The following GNA12 variants were observed in gnomAD, a reference collection of about 807,000 sequenced individuals.
GNA12 encodes guanine nucleotide-binding protein subunit alpha-12.
Under a neutral mutation model 26.0 loss-of-function variants are expected in GNA12, and 9 were observed. The ratio of observed to expected loss-of-function variants is 0.35; its 90% CI spans 0.21 to 0.60. GNA12 has a LOEUF of 0.60. GNA12 is among the 20% of genes least tolerant of loss of function. GNA12 has a pLI of 0.78. For synonymous variants in GNA12, 264 were observed against 219.6 expected (o/e 1.20, Z -1.79); for missense variants, 405 against 525.8 (o/e 0.77, Z 2.25).
chr7:2,809,738 T>A (rs1362191441), intron 1 of GNA12, among the ~76,000 whole-genome samples: 1 of 152,188 alleles, frequency 6.6e-6, no homozygotes, highest in Non-Finnish European at 1.5e-5. Flanking sequence ...AAATTAAAAC[T>A]GCAAGTGACT....
At chr7:2,816,240 C>CTTTTCTTT (rs1793215585) in intron 1 of GNA12, among the ~76,000 whole-genome samples, 1 of 148,436 alleles carries the variant, frequency 6.7e-6, no homozygotes, top group African/African-American at 2.5e-5. Context: ...TCACCAAATC[C>CTTTTCTTT]TTTTTTTTTG....
chr7:2,841,340 T>G (rs968625048), intron 1 of GNA12, among the ~76,000 whole-genome samples: 18 of 152,196 alleles, frequency 1.2e-4, no homozygotes, highest in South Asian at 2.1e-4. Context: ...AAATACTTTC[T>G]CCATCTACTG....
chr7:2,759,702 CAGGAT>C (rs1162788580), intron 2 of GNA12, among the ~76,000 whole-genome samples: 3 of 152,096 alleles, frequency 2.0e-5, no homozygotes, highest in African/African-American at 7.2e-5. Flanking sequence ...TGTAGTCATA[CAGGAT>C]AGGAGAGAGA....
At chr7:2,760,437 G>A (rs1248606702) in intron 2 of GNA12, 1 of 152,460 alleles carries the variant, frequency 6.6e-6, no homozygotes. Context: ...GTCTTTCCCG[G>A]ACGCTGTGGT....
In GNA12 at chr7:2,731,167, C is replaced by T. The variant is rs200329579; in HGVS notation, c.*14G>A. Reference sequence around the variant, plus strand: ...GGGGCTGCTCAACGACGACAAACCCCGGGGCTTCCTCGCTCACTGCAGCAT... The same window carrying T: ...GGGGCTGCTCAACGACGACAAACCCTGGGGCTTCCTCGCTCACTGCAGCAT... On this transcript the variant is annotated 3_prime_UTR_variant, in exon 4 of 4. Coordinates refer to ENST00000275364, the MANE Select transcript of GNA12 (RefSeq NM_007353.3). The surrounding 1 kb of genome is among the most constrained non-coding windows in gnomAD (Gnocchi z 6.0). The T allele has an allele frequency of 3.3e-5, 52 of 1,583,262 alleles. No homozygotes were observed. The highest frequency in any genetic ancestry group is 4.1e-5 in the Non-Finnish European group (48 of 1,159,330).
Position 2,731,682 on chromosome 7 carries a change from G to C in GNA12, c.645C>G (p.Asp215Glu). The change falls in exon 4 of 4, where the codon GAC becomes GAG. Residue 215 changes from aspartate to glutamate, a missense_variant. Asp to Glu is a conservative substitution (Grantham distance 45, BLOSUM62 2). Transcript: ENST00000275364. This position sits in a 1 kb window ranked among gnomAD's most constrained non-coding sequence, Gnocchi z 6.0. Reference protein sequence around the residue: ...RKATKGIVEHDFVIKKIPFKM... With the variant: ...RKATKGIVEHEFVIKKIPFKM... ...TAAAGGGGATCTTCTTAATAACGAA[G>C]TCATGCTCCACAATTCCCTTGGTGG... The C allele has an allele frequency of 6.2e-7, 1 of 1,606,724 alleles. No homozygotes were observed. Among genetic ancestry groups the C allele is most frequent in the African/African-American group, 1.3e-5 (1 of 74,776 alleles).
intron 2 of GNA12, among the ~76,000 whole-genome samples, chr7:2,741,798 C>T (rs897855890): frequency 1.3e-5 from 2 of 151,198 alleles, no homozygotes; most frequent in Admixed American, 6.6e-5. Flanking sequence ...TCTACAACCA[C>T]GGCAACTTCA....
At chr7:2,767,461 C>A (rs1443310148) in intron 2 of GNA12, among the ~76,000 whole-genome samples, 1 of 152,176 alleles carries the variant, frequency 6.6e-6, no homozygotes, top group Non-Finnish European at 1.5e-5. Context: ...ATGCTGCATT[C>A]CACTGAATAA....
intron 2 of GNA12, among the ~76,000 whole-genome samples, chr7:2,748,231 G>C (rs941418377): frequency 6.6e-6 from 1 of 151,550 alleles, no homozygotes; most frequent in African/African-American, 2.4e-5. Context: ...AACAAAGCTG[G>C]AGGCATCACG....
intron 1 of GNA12, among the ~76,000 whole-genome samples, chr7:2,799,059 T>C (rs1181775702): frequency 6.6e-6 from 1 of 152,176 alleles, no homozygotes. Flanking sequence ...GAGAATATCT[T>C]CAGGATGTAG....
At chr7:2,826,149 C>T (rs918745621) in intron 1 of GNA12, among the ~76,000 whole-genome samples, 10 of 151,944 alleles carry the variant, frequency 6.6e-5, no homozygotes, top group Admixed American at 1.3e-4. Flanking sequence ...GAGGCGCAGG[C>T]GGGCAGATCA....
intron 2 of GNA12, among the ~76,000 whole-genome samples, chr7:2,761,971 C>G (rs1429722940): frequency 6.6e-6 from 1 of 152,164 alleles, no homozygotes; most frequent in South Asian, 2.1e-4. Context: ...ACCAGTCCAC[C>G]CAGCACCACA....
At chr7:2,829,245 A>G (rs1324156150) in intron 1 of GNA12, among the ~76,000 whole-genome samples, 1 of 152,186 alleles carries the variant, frequency 6.6e-6, no homozygotes, top group East Asian at 1.9e-4. Flanking sequence ...GGCACACAGG[A>G]GGAGAAAGCC....
intron 1 of GNA12, among the ~76,000 whole-genome samples, chr7:2,812,536 G>T (rs950084998): frequency 6.6e-6 from 1 of 152,200 alleles, no homozygotes. Context: ...GGCTGAGGTG[G>T]GAGAATCACT....
rs912968547 is a variant in GNA12 at position 2,728,289 on chromosome 7, C to T, written c.*2892G>A. On this transcript the variant is annotated 3_prime_UTR_variant, in exon 4 of 4. Transcript: ENST00000275364. ...TGCCTTACAATACCAGGTTAGATGT[C>T]TGTGCCCAGAACCCCTAAATTAGTT... 8 of 152,326 alleles carry T rather than the reference C, an allele frequency of 5.3e-5. No homozygotes were observed. The highest frequency in any genetic ancestry group is 8.8e-5 in the Non-Finnish European group (6 of 68,050). The allele number at this position is 152,326 out of a possible 1,614,324, so 9.4% of individuals were successfully genotyped here.
chr7:2,740,325 A>C (rs1403784664), intron 2 of GNA12, among the ~76,000 whole-genome samples: 1 of 152,090 alleles, frequency 6.6e-6, no homozygotes. Flanking sequence ...GAGGTGACTG[A>C]AGGTAGGGAC....
At chr7:2,764,253 T>C (rs1486344379) in intron 2 of GNA12, among the ~76,000 whole-genome samples, 10 of 151,824 alleles carry the variant, frequency 6.6e-5, no homozygotes, top group South Asian at 2.1e-4. Flanking sequence ...TCTTTTTTTT[T>C]TTTTTTTTTA....
At chr7:2,809,452 A>G (rs967324614) in intron 1 of GNA12, among the ~76,000 whole-genome samples, 2 of 152,240 alleles carry the variant, frequency 1.3e-5, no homozygotes, top group African/African-American at 4.8e-5. Context: ...TTTCATTGGA[A>G]ATTCCACCCT....
rs1179954914 is a variant in GNA12, at chr7:2,759,171, AT to A, written c.526-25671del. 4.4e-3 allele frequency among the ~76,000 whole-genome samples: 656 copies of A among 150,260 alleles called. 9 individuals are homozygous for A. Among genetic ancestry groups the A allele is most frequent in the African/African-American group, 0.015 (621 of 41,242 alleles). Reference sequence around the variant, plus strand: ...AATAAATAAATAAATAAATAAATAAATAAATAAATAAATAAATAAAATAAAA... The same window carrying A: ...AATAAATAAATAAATAAATAAATAAAAAATAAATAAATAAATAAAATAAAA... On this transcript the variant is annotated intron_variant, in intron 2 of 3. Coordinates refer to ENST00000275364, the MANE Select transcript of GNA12 (RefSeq NM_007353.3).
Sources: gnomAD v4.1 joint callset for allele counts (sites outside exome capture counted in the v4.1 genomes callset) on GRCh38, gnomAD v4.1.1 for gene constraint, Gnocchi (gnomAD v3.1) non-coding constraint, MANE v1.5 for transcripts, NCBI Gene and HGNC (gene_info 2026-07-23, HGNC 2026-07-21) for gene names.